Variants in ANK2 observed in about 807,000 individuals in gnomAD.
The protein encoded by ANK2 is ankyrin-2.
ANK2 carries 83 observed loss-of-function variants against 360.5 expected under a neutral mutation model. That is an observed-to-expected ratio of 0.23 (90% CI 0.19 to 0.28). ANK2 has a LOEUF of 0.28. Ranked by LOEUF, ANK2 falls within the 10% of genes least tolerant of loss-of-function variation. ANK2 has a pLI of 1.00. For synonymous variants in ANK2, 1,740 were observed against 1,759.5 expected, an observed-to-expected ratio of 0.99 and a Z score of 0.28; for missense variants, 4,201 against 4,795.7, an observed-to-expected ratio of 0.88 and a Z score of 3.66.
the ANK2 span, among the ~76,000 whole-genome samples, chr4:112,736,539 G>A: frequency 6.6e-6 from 1 of 151,978 alleles, no homozygotes; most frequent in Non-Finnish European, 1.5e-5. Context: ...TACAGATGAG[G>A]AAATTGAGTC....
At chr4:113,201,699 G>GC (rs1274272901) in intron 4 of ANK2, among the ~76,000 whole-genome samples, 3 of 152,170 alleles carry the variant, frequency 2.0e-5, no homozygotes, top group Non-Finnish European at 4.4e-5. Flanking sequence ...AGCAAATGCT[G>GC]CAAGGTAAAT....
chr4:112,810,153 ATATATATTTTTTTTTTTTT>A, the ANK2 span, among the ~76,000 whole-genome samples: 4 of 23,518 alleles, frequency 1.7e-4, no homozygotes, highest in South Asian at 2.1e-3. Context: ...ATATATATAT[ATATATATTTTTTTTTTTTT>A]TTTTTTTTTT....
At chr4:112,970,837 G>T (rs182666547) in intron 2 of ANK2, among the ~76,000 whole-genome samples, 6 of 151,734 alleles carry the variant, frequency 4.0e-5, no homozygotes, top group African/African-American at 1.5e-4. Context: ...CAGGAAAATA[G>T]TAGATTTTAA....
At chr4:113,071,904 C>T (rs574932699) in intron 1 of ANK2, 1 of 152,400 alleles carries the variant, frequency 6.6e-6, no homozygotes, top group African/African-American at 2.4e-5. Flanking sequence ...CAAACACATC[C>T]TTCTTCACAT....
chr4:113,259,850 G>C lies in ANK2; in HGVS notation c.1386+1439G>C, dbSNP rs189546586. Among the ~76,000 whole-genome samples, 46 of 123,798 alleles carry C rather than the reference G, an allele frequency of 3.7e-4. 1 individual carries two copies. In the East Asian group the frequency reaches 0.01, roughly 28 times the overall value. 81.2% of individuals were successfully genotyped at this position (123,798 alleles called of 152,430 possible). ...TTAATTGAGACCTGAACAGATTTAC[G>C]TACAGGCCAGTAACATTAAAACAAA... On this transcript the variant is annotated intron_variant, in intron 13 of 45. Transcript: ENST00000357077.
intron 33 of ANK2, 140 bp from the exon 34 acceptor site, chr4:113,342,877 A>G (rs988845759): frequency 2.1e-5 from 22 of 1,064,390 alleles, no homozygotes; most frequent in Non-Finnish European, 2.5e-5. Flanking sequence ...ACAGATAGAC[A>G]GAATGTCAGT....
chr4:112,860,761 C>CT (rs1285241773), intron 1 of ANK2, among the ~76,000 whole-genome samples: 366 of 148,532 alleles, frequency 2.5e-3, no homozygotes, highest in Admixed American at 2.8e-3. Context: ...TTTAATATTA[C>CT]TTTTTTTTTT....
intron 4 of ANK2, among the ~76,000 whole-genome samples, chr4:113,225,909 T>C (rs1400819191): frequency 6.6e-6 from 1 of 152,202 alleles, no homozygotes; most frequent in Non-Finnish European, 1.5e-5. Flanking sequence ...AATAAGTGTT[T>C]GAATTCCCTA....
rs369877280 is a variant in ANK2 at position 113,174,440 on chromosome 4, C to T, written c.109C>T (p.Arg37Cys). 1.9e-6 allele frequency: 3 copies of T among 1,612,828 alleles called. No homozygotes were observed. Among genetic ancestry groups the T allele is most frequent in the Non-Finnish European group, 2.5e-6 (3 of 1,179,316 alleles). The part of the protein sequence containing the change: ...KKSDSNASFL[R>C]AARAGNLDKV... The stretch of plus-strand genomic sequence containing the variant: ...GTCTGACAGCAATGCAAGCTTCCTC[C>T]GTGCTGCCAGAGCAGGCAACCTGGA... Residue 37 changes from arginine to cysteine, a missense_variant, in exon 2 of 46, where the codon CGT becomes TGT. By Grantham distance (180) the Arg-to-Cys change is radical. Around this residue, in one of 4 missense-constraint regions of ANK2, gnomAD observed 169 missense variants for 191.1 expected, o/e 0.88. Coordinates refer to ENST00000357077, the MANE Select transcript of ANK2 (RefSeq NM_001148.6).
intron 1 of ANK2, among the ~76,000 whole-genome samples, chr4:112,867,010 C>T (rs2070834489): frequency 6.6e-6 from 1 of 152,040 alleles, no homozygotes; most frequent in Non-Finnish European, 1.5e-5. Flanking sequence ...TTCCTAGACT[C>T]ATGCAGTGCT....
chr4:113,355,188 T>C lies in ANK2; in HGVS notation c.6570T>C (p.Ala2190=). 1 of 1,614,086 alleles carries C rather than the reference T, an allele frequency of 6.2e-7. No individual in the cohort carries two copies. The highest frequency in any genetic ancestry group is 8.5e-7 in the Non-Finnish European group (1 of 1,179,968). ...ACATGAAAGATGAGTTCCTTCCAGC[T>C]CTGTCTTTACAAAGCGGTGCTTTAG... ...LDYMKDEFLP[A]LSLQSGALDG... The change falls in exon 38 of 46, where the codon GCT becomes GCC. Residue 2190 remains alanine (A), a synonymous_variant. Coordinates refer to ENST00000357077, the MANE Select transcript of ANK2 (RefSeq NM_001148.6).
At chr4:112,957,741 G>A (rs1340627836) in intron 2 of ANK2, among the ~76,000 whole-genome samples, 1 of 150,800 alleles carries the variant, frequency 6.6e-6, no homozygotes, top group Non-Finnish European at 1.5e-5. Context: ...GGGCGGAGAC[G>A]CTCCTCACTT....
At chr4:113,336,360 T>C (rs973075851) in intron 30 of ANK2, 2 of 589,760 alleles carry the variant, frequency 3.4e-6, no homozygotes, top group Admixed American at 3.3e-5. Flanking sequence ...TTATTCCTAG[T>C]AAGCAAGAGC....
intron 36 of ANK2, 121 bp downstream of exon 36, chr4:113,348,429 C>T (rs1230235285): frequency 3.0e-6 from 3 of 1,002,736 alleles, no homozygotes; most frequent in Non-Finnish European, 4.7e-6. Context: ...ATTAAAGGGG[C>T]ACAATTTTAC....
intron 2 of ANK2, among the ~76,000 whole-genome samples, chr4:113,003,774 G>T (rs971057979): frequency 3.9e-5 from 6 of 152,196 alleles, no homozygotes; most frequent in Non-Finnish European, 1.5e-5. Context: ...CTTAACGACA[G>T]GGATATGTTC....
At chr4:113,369,070 G>A (rs2096638243) in intron 42 of ANK2, among the ~76,000 whole-genome samples, 1 of 152,104 alleles carries the variant, frequency 6.6e-6, no homozygotes, top group East Asian at 1.9e-4. Context: ...GAATTTCCTT[G>A]TATTTATACT....
At chr4:113,152,724 C>A (rs1562452559) in intron 1 of ANK2, among the ~76,000 whole-genome samples, 2 of 151,866 alleles carry the variant, frequency 1.3e-5, no homozygotes, top group East Asian at 3.9e-4. Flanking sequence ...CTGGGCAACA[C>A]AGGGAGATTC....
chr4:113,121,861 T>TCCC (rs142804573), intron 1 of ANK2, among the ~76,000 whole-genome samples: 7 of 151,404 alleles, frequency 4.6e-5, no homozygotes, highest in African/African-American at 1.7e-4. Flanking sequence ...TGGGGAAATC[T>TCCC]CCCCCCCCAC....
At chr4:113,333,916 G>A (rs538073061) in intron 29 of ANK2, among the ~76,000 whole-genome samples, 70 of 152,210 alleles carry the variant, frequency 4.6e-4, no homozygotes, top group South Asian at 2.7e-3. Context: ...AGAGGAAAGC[G>A]GCTCTTCCTC....
Sources: allele counts gnomAD v4.1 joint callset (sites outside exome capture counted in the v4.1 genomes callset), GRCh38; gene constraint gnomAD v4.1.1; regional missense constraint gnomAD v4.1.1; transcripts MANE v1.5; gene names NCBI Gene and HGNC (gene_info 2026-07-23, HGNC 2026-07-21).